Variants in CSMD1 observed in about 807,000 individuals in gnomAD.
CSMD1 encodes CUB and Sushi multiple domains 1.
Under a neutral mutation model 417.5 loss-of-function variants are expected in CSMD1, and 213 were observed. The ratio of observed to expected loss-of-function variants is 0.51; its 90% CI spans 0.46 to 0.57. The LOEUF is 0.57. Among genes scored for constraint, CSMD1 ranks in the 20% least tolerant of loss-of-function variants. The pLI, the probability that CSMD1 is intolerant of heterozygous loss-of-function variation, is 0.00. For missense variants in CSMD1, 6,923 were observed against 4,529.7 expected (o/e 1.53, Z -15.17); for synonymous variants, 2,862 against 1,736.8 (o/e 1.65, Z -16.11).
intron 38 of CSMD1, among the ~76,000 whole-genome samples, chr8:3,158,406 C>T (rs1213185326): frequency 6.6e-6 from 1 of 151,990 alleles, no homozygotes; most frequent in Non-Finnish European, 1.5e-5. Context: ...GAGGTAGCTT[C>T]GGTGGTTGTC....
intron 42 of CSMD1, among the ~76,000 whole-genome samples, chr8:3,114,760 C>A (rs1340549433): frequency 6.6e-6 from 1 of 151,962 alleles, no homozygotes; most frequent in Non-Finnish European, 1.5e-5. Flanking sequence ...CTGTATTTAC[C>A]AATCAGCTTG....
At chr8:4,416,932 A>G (rs1249620855) in intron 3 of CSMD1, among the ~76,000 whole-genome samples, 1 of 152,088 alleles carries the variant, frequency 6.6e-6, no homozygotes, top group African/African-American at 2.4e-5. Flanking sequence ...ATCTTATTAT[A>G]AACTATGTGT....
chr8:3,549,333 C>G (rs889158879), intron 10 of CSMD1, among the ~76,000 whole-genome samples: 1 of 152,216 alleles, frequency 6.6e-6, no homozygotes, highest in Admixed American at 6.5e-5. Flanking sequence ...GGCAAGCTCA[C>G]CAGCTTCTGT....
At chr8:4,454,228 C>A (rs1404907810) in intron 2 of CSMD1, among the ~76,000 whole-genome samples, 4 of 152,132 alleles carry the variant, frequency 2.6e-5, no homozygotes, top group Non-Finnish European at 4.4e-5. Context: ...ACCCCCAACA[C>A]CGCCACCCTC....
chr8:4,665,794 G>A (rs1405002570), intron 1 of CSMD1, among the ~76,000 whole-genome samples: 1 of 152,090 alleles, frequency 6.6e-6, no homozygotes, highest in Non-Finnish European at 1.5e-5. Flanking sequence ...CCATTTATTA[G>A]CAAATATAAA....
At chr8:4,250,291 C>G (rs1376717661) in intron 3 of CSMD1, among the ~76,000 whole-genome samples, 1 of 152,186 alleles carries the variant, frequency 6.6e-6, no homozygotes, top group Non-Finnish European at 1.5e-5. Flanking sequence ...TAGCCCAGCT[C>G]AGCTTAGGAG....
At chr8:3,416,300 C>G (rs7010586) in intron 12 of CSMD1, among the ~76,000 whole-genome samples, 13,919 of 61,870 alleles carry the variant, frequency 0.22, 838 homozygotes, top group Middle Eastern at 0.4. Flanking sequence ...CAGACTCCGT[C>G]TCAAAAAAAA....
At chr8:3,311,196 C>G (rs1020812401) in intron 23 of CSMD1, among the ~76,000 whole-genome samples, 2 of 152,136 alleles carry the variant, frequency 1.3e-5, no homozygotes, top group Admixed American at 1.3e-4. Flanking sequence ...AGCACAAAGC[C>G]TATTTATTTT....
intron 5 of CSMD1, among the ~76,000 whole-genome samples, chr8:3,837,013 T>C (rs1802753576): frequency 6.6e-6 from 1 of 152,104 alleles, no homozygotes; most frequent in African/African-American, 2.4e-5. Context: ...TAAGTGAAGT[T>C]ACTCCCTTCT....
intron 41 of CSMD1, among the ~76,000 whole-genome samples, chr8:3,129,159 G>C (rs1393127119): frequency 6.6e-6 from 1 of 152,160 alleles, no homozygotes; most frequent in Non-Finnish European, 1.5e-5. Context: ...TCTCCTACGT[G>C]GGAATGCAGG....
intron 2 of CSMD1, among the ~76,000 whole-genome samples, chr8:4,422,161 T>G (rs986736289): frequency 6.6e-6 from 1 of 152,170 alleles, no homozygotes; most frequent in Non-Finnish European, 1.5e-5. Flanking sequence ...GTTCCAAATG[T>G]TCCCACTGGA....
intron 57 of CSMD1, among the ~76,000 whole-genome samples, chr8:2,969,709 G>A (rs11997915): frequency 0.051 from 7,741 of 152,134 alleles, 663 homozygotes; most frequent in African/African-American, 0.18. Context: ...CTTTTTCATC[G>A]AGAGGAACTC....
At chr8:4,277,934 G>C (rs1337162264) in intron 3 of CSMD1, among the ~76,000 whole-genome samples, 2 of 152,002 alleles carry the variant, frequency 1.3e-5, no homozygotes, top group African/African-American at 4.8e-5. Context: ...ATTTTTAGTG[G>C]AGACAGGATT....
At chr8:3,271,199 A>G (rs554361294) in intron 26 of CSMD1, among the ~76,000 whole-genome samples, 1 of 151,178 alleles carries the variant, frequency 6.6e-6, no homozygotes, top group East Asian at 2.0e-4. Context: ...TGTTCTTGCG[A>G]TAGTTTACTG....
chr8:4,290,225 G>A (rs1797285266), intron 3 of CSMD1, among the ~76,000 whole-genome samples: 1 of 151,564 alleles, frequency 6.6e-6, no homozygotes, highest in Non-Finnish European at 1.5e-5. Context: ...ATGTGTGTCT[G>A]CAAAAACCCA....
intron 7 of CSMD1, among the ~76,000 whole-genome samples, chr8:3,679,816 C>T (rs1000945224): frequency 4.1e-4 from 62 of 151,936 alleles, no homozygotes; most frequent in East Asian, 3.9e-4. Flanking sequence ...GTAAAAGAAG[C>T]GAAATTATAA....
chr8:3,424,439 G>C (rs928865780), intron 12 of CSMD1, among the ~76,000 whole-genome samples: 5 of 152,166 alleles, frequency 3.3e-5, no homozygotes, highest in African/African-American at 1.2e-4. Context: ...AGCACGTCTA[G>C]TCTGTGTATT....
At chr8:4,630,276 A>G (rs1802432664) in intron 2 of CSMD1, among the ~76,000 whole-genome samples, 1 of 48,876 alleles carries the variant, frequency 2.0e-5, no homozygotes, top group Non-Finnish European at 5.4e-5. Context: ...ACACACACAC[A>G]CACACACACA....
intron 11 of CSMD1, among the ~76,000 whole-genome samples, chr8:3,474,246 G>A (rs1416536199): frequency 1.3e-5 from 2 of 152,074 alleles, no homozygotes; most frequent in Non-Finnish European, 2.9e-5. Context: ...ATGAATGAAT[G>A]AATATAAATC....
Sources: allele counts gnomAD v4.1 joint callset (sites outside exome capture counted in the v4.1 genomes callset), GRCh38; gene constraint gnomAD v4.1.1; transcripts MANE v1.5; gene names NCBI Gene and HGNC (gene_info 2026-07-23, HGNC 2026-07-21).